WDFY4: variants seen among roughly 807,000 people sequenced by gnomAD.
The protein encoded by WDFY4 is WDFY family member 4.
Under a neutral mutation model 351.9 loss-of-function variants are expected in WDFY4, and 169 were observed. The ratio of observed to expected loss-of-function variants is 0.48; its 90% CI spans 0.42 to 0.55. The LOEUF (loss-of-function observed/expected upper bound fraction) is 0.55. WDFY4 is among the 20% of genes least tolerant of loss of function. The probability of loss-of-function intolerance (pLI) is 0.00; values close to 1 mark genes in which losing one functional copy is unlikely to be tolerated. For synonymous variants in WDFY4, 1,622 were observed against 1,574.6 expected (o/e 1.03, Z -0.71); for missense variants, 3,803 against 3,935.6 (o/e 0.97, Z 0.90).
Position 48,779,951 on chromosome 10 carries a change from A to G in WDFY4, c.3408A>G (p.Glu1136=). 6.4e-7 allele frequency: 1 copy of G among 1,551,560 alleles called. No homozygotes were observed. Among genetic ancestry groups the G allele is most frequent in the Non-Finnish European group, 8.7e-7 (1 of 1,146,976 alleles). The change falls in exon 19 of 62, where the codon GAA becomes GAG. Residue 1136 remains glutamate (E), a synonymous_variant. Transcript: ENST00000325239. ...CATGCTGTCTTCCAGATGTCATGGA[A>G]CCTGAGGATGACTCCGAGCCTTCTG... ...EKEFQPLDVM[E]PEDDSEPSAG...
intron 19 of WDFY4, among the ~76,000 whole-genome samples, chr10:48,785,277 G>C (rs2066368854): frequency 1.3e-5 from 2 of 151,966 alleles, no homozygotes; most frequent in Non-Finnish European, 2.9e-5. Context: ...TATGTGATTT[G>C]CGATAATTCC....
At chr10:48,923,058 A>T (rs939160496) in intron 47 of WDFY4, among the ~76,000 whole-genome samples, 1 of 152,212 alleles carries the variant, frequency 6.6e-6, no homozygotes, top group Non-Finnish European at 1.5e-5. Flanking sequence ...ATCGTTTTTA[A>T]AAAAACTTTA....
At chr10:48,860,780 T>G (rs2069311081) in intron 39 of WDFY4, among the ~76,000 whole-genome samples, 1 of 152,246 alleles carries the variant, frequency 6.6e-6, no homozygotes, top group African/African-American at 2.4e-5. Context: ...GACTTCTTTT[T>G]TGACACAGAT....
chr10:48,727,446 C>G, intron 6 of WDFY4, 24 bp from the exon 7 acceptor site: 3 of 1,548,108 alleles, frequency 1.9e-6, no homozygotes, highest in Non-Finnish European at 2.6e-6. Flanking sequence ...CTCAGCAGGT[C>G]TCTCCTGTGC....
In WDFY4 at chr10:48,729,431, G is replaced by T. The variant is rs760396658; in HGVS notation, c.972-1G>T. ...GGAGCTGGCCTCATCTGTTCCCCCAGGTATGATGGGCTGACCCAGAGCGAA... is the reference window on the plus strand; with the variant it reads ...GGAGCTGGCCTCATCTGTTCCCCCATGTATGATGGGCTGACCCAGAGCGAA... On this transcript the variant is annotated splice_acceptor_variant, in intron 7 of 61. Coordinates refer to ENST00000325239, the MANE Select transcript of WDFY4 (RefSeq NM_001394531.1). LOFTEE classifies it high-confidence loss of function. 33 of 1,550,674 alleles carry T rather than the reference G, an allele frequency of 2.1e-5. No homozygotes were observed. The highest frequency in any genetic ancestry group is 2.8e-5 in the Non-Finnish European group (32 of 1,146,972).
chr10:48,726,131 A>C, intron 6 of WDFY4, 61 bp downstream of exon 6: 1 of 1,494,930 alleles, frequency 6.7e-7, no homozygotes. Flanking sequence ...TTGAACTCAG[A>C]GCAAAGGCTG....
chr10:48,901,681 G>A, intron 46 of WDFY4, 120 bp from the exon 47 acceptor site: 1 of 1,086,378 alleles, frequency 9.2e-7, no homozygotes, highest in South Asian at 1.4e-5. Flanking sequence ...CCTGGGGGCA[G>A]GATGGAGCGA....
In WDFY4 at chr10:48,731,127, C is replaced by T; in HGVS notation, c.1147C>T (p.Leu383Phe). 1 of 1,546,130 alleles carries T rather than the reference C, an allele frequency of 6.5e-7. No individual in the cohort carries two copies. The highest frequency in any genetic ancestry group is 8.7e-7 in the Non-Finnish European group (1 of 1,143,148). Reference sequence around the variant, plus strand: ...CTCCTCAGGGGTGACTGTTAAGAATCTTCAGGCCTTCCAGGTCCTACAGAA... The same window carrying T: ...CTCCTCAGGGGTGACTGTTAAGAATTTTCAGGCCTTCCAGGTCCTACAGAA... ...HEASGVTVKN[L>F]QAFQVLQNVF... The change falls in exon 9 of 62, where the codon CTT becomes TTT. Residue 383 changes from leucine (L) to phenylalanine (F), a missense_variant. Transcript: ENST00000325239.
At chr10:48,880,700 C>A (rs2070210361) in intron 43 of WDFY4, among the ~76,000 whole-genome samples, 1 of 152,156 alleles carries the variant, frequency 6.6e-6, no homozygotes, top group Non-Finnish European at 1.5e-5. Flanking sequence ...GCAGAGTGAC[C>A]CTTGCCATTA....
At chr10:48,930,872 A>G (rs572356126) in intron 47 of WDFY4, among the ~76,000 whole-genome samples, 1 of 152,308 alleles carries the variant, frequency 6.6e-6, no homozygotes, top group Admixed American at 6.5e-5. Context: ...TGTCCGTGTG[A>G]GCCCTGTGTT....
In WDFY4 at chr10:48,873,489, A is replaced by G; in HGVS notation, c.6742-2A>G. Reference sequence around the variant, plus strand: ...CAGGGTGACTCTGTTTCTGCTCCCCAGAGGCGAAAATGTGGCAACATCAAG... The same window carrying G: ...CAGGGTGACTCTGTTTCTGCTCCCCGGAGGCGAAAATGTGGCAACATCAAG... On this transcript the variant is annotated splice_acceptor_variant, in intron 40 of 61. Coordinates refer to ENST00000325239, the MANE Select transcript of WDFY4 (RefSeq NM_001394531.1). LOFTEE classifies it high-confidence loss of function. 6.5e-7 allele frequency: 1 copy of G among 1,546,626 alleles called. No individual in the cohort carries two copies. Among genetic ancestry groups the G allele is most frequent in the Non-Finnish European group, 8.7e-7 (1 of 1,144,520 alleles).
chr10:48,918,001 T>C (rs1390197009), intron 47 of WDFY4, among the ~76,000 whole-genome samples: 3 of 152,222 alleles, frequency 2.0e-5, no homozygotes, highest in African/African-American at 7.2e-5. Context: ...ACACTGCTTT[T>C]GAAGTGGTGA....
intron 10 of WDFY4, among the ~76,000 whole-genome samples, chr10:48,734,389 A>G (rs1223923581): frequency 6.6e-6 from 1 of 152,134 alleles, no homozygotes; most frequent in Non-Finnish European, 1.5e-5. Flanking sequence ...ACGGGCAAAG[A>G]AATCTAGCCA....
rs1158417693 is a variant in WDFY4 at position 48,963,839 on chromosome 10, C to T, written c.8224-3C>T. 6.4e-7 allele frequency: 1 copy of T among 1,551,486 alleles called. No homozygotes were observed. The highest frequency in any genetic ancestry group is 8.7e-7 in the Non-Finnish European group (1 of 1,146,978). On this transcript the variant is annotated splice_polypyrimidine_tract_variant and splice_region_variant and intron_variant, in intron 53 of 61. Coordinates refer to ENST00000325239, the MANE Select transcript of WDFY4 (RefSeq NM_001394531.1). Reference sequence around the variant, plus strand: ...TTTAATGCTCTTTGGGTTTTTGTTCCAGGCCCTGGAAAGTGACTTTGTCAG... The same window carrying T: ...TTTAATGCTCTTTGGGTTTTTGTTCTAGGCCCTGGAAAGTGACTTTGTCAG...
rs11101574 is a variant in WDFY4 at position 48,969,191 on chromosome 10, C to T, written c.8712C>T (p.Thr2904=). ...TGCTGCCTCCTCTCTGGAACAGGAC[C>T]TTCAGCTGGGGCTTTGATGACTTCA... ...KVLLPPLWNR[T]FSWGFDDFSC... Residue 2904 remains threonine, a synonymous_variant, in exon 56 of 62, where the codon ACC becomes ACT. Coordinates refer to ENST00000325239, the MANE Select transcript of WDFY4 (RefSeq NM_001394531.1). 1.9e-6 allele frequency: 3 copies of T among 1,551,662 alleles called. No individual in the cohort carries two copies. The highest frequency in any genetic ancestry group is 1.2e-5 in the South Asian group (1 of 84,056).
At chr10:48,707,534 G>T (rs184320496) in intron 1 of WDFY4, among the ~76,000 whole-genome samples, 217 of 152,324 alleles carry the variant, frequency 1.4e-3, no homozygotes, top group African/African-American at 5.0e-3. Flanking sequence ...ATCAGAGAAA[G>T]CCAACAAGTA....
chr10:48,832,593 G>A lies in WDFY4; in HGVS notation c.6547G>A (p.Ala2183Thr), dbSNP rs2068227705. 1.3e-6 allele frequency: 2 copies of A among 1,547,262 alleles called. No individual in the cohort carries two copies. The highest frequency in any genetic ancestry group is 1.7e-6 in the Non-Finnish European group (2 of 1,144,094). Residue 2183 changes from alanine (A) to threonine (T), a missense_variant, in exon 39 of 62, where the codon GCA becomes ACA. By Grantham distance (58) the Ala-to-Thr change is moderately conservative. Around this residue, in one of 3 missense-constraint regions of WDFY4, gnomAD observed 3,054 missense variants for 3,148.6 expected, o/e 0.97. Coordinates refer to ENST00000325239, the MANE Select transcript of WDFY4 (RefSeq NM_001394531.1). ...HYLASEKKSL[A>T]SRSNVAHHSK... is the part of the protein sequence containing the mutation. Reference sequence around the variant, plus strand: ...CTCAGCATCTGAGAAGAAGTCACTGGCAAGTCGTTCAAATGTTGCACACCA... The same window carrying A: ...CTCAGCATCTGAGAAGAAGTCACTGACAAGTCGTTCAAATGTTGCACACCA...
intron 47 of WDFY4, among the ~76,000 whole-genome samples, chr10:48,940,013 C>T (rs1001602410): frequency 2.6e-5 from 4 of 152,236 alleles, no homozygotes; most frequent in African/African-American, 9.6e-5. Context: ...TCTTTCATTC[C>T]TCTGTCCTCA....
intron 39 of WDFY4, among the ~76,000 whole-genome samples, chr10:48,838,159 A>T (rs2068469887): frequency 6.6e-6 from 1 of 152,170 alleles, no homozygotes; most frequent in Admixed American, 6.5e-5. Flanking sequence ...TGGAATTGCT[A>T]AAAAAAGCAA....
Sources: allele counts gnomAD v4.1 joint callset (sites outside exome capture counted in the v4.1 genomes callset), GRCh38; gene constraint gnomAD v4.1.1; regional missense constraint gnomAD v4.1.1; transcripts MANE v1.5; gene names NCBI Gene and HGNC (gene_info 2026-07-23, HGNC 2026-07-21).